Variants in ELL observed in about 807,000 individuals in gnomAD.
ELL encodes the protein elongation factor for RNA polymerase II, also known as RNA polymerase II elongation factor ELL.
A neutral mutation model predicts 64.0 loss-of-function variants in ELL; 18 were observed. The ratio of observed to expected loss-of-function variants is 0.28; its 90% CI spans 0.19 to 0.42. The LOEUF (loss-of-function observed/expected upper bound fraction) is 0.42, where lower values mean the gene tolerates loss of function less well. ELL is among the 10% of genes least tolerant of loss of function. The pLI, the probability that ELL is intolerant of heterozygous loss-of-function variation, is 1.00. For missense variants in ELL, 797 were observed against 870.4 expected, an observed-to-expected ratio of 0.92 and a Z score of 1.06; for synonymous variants, 399 against 376.2, an observed-to-expected ratio of 1.06 and a Z score of -0.70.
intron 9 of ELL, 83 bp downstream of exon 9, chr19:18,446,665 C>T (rs1387017999): frequency 5.8e-6 from 9 of 1,559,944 alleles, no homozygotes; most frequent in Non-Finnish European, 7.9e-6. Context: ...TGGCTTCTAC[C>T]TCTGATAACC....
intron 8 of ELL, 124 bp downstream of exon 8, chr19:18,450,353 T>TGG (rs1351896214): frequency 3.4e-6 from 5 of 1,453,562 alleles, no homozygotes; most frequent in Non-Finnish European, 4.6e-6. Context: ...TGATGGGGCC[T>TGG]GGGGCAACAG....
rs1170901649 is a variant in ELL, at chr19:18,502,432, A to G, written c.135+19489T>C. Among the ~76,000 whole-genome samples the G allele has an allele frequency of 2.6e-5, 4 of 152,196 alleles. No homozygotes were observed. The South Asian group carries it at 8.3e-4, about 31-fold the overall frequency. ...GTGGTGACTGTGCCTCGCAGTGGGC[A>G]GGGCTGCCAGAACCCAGCAGTGAGC... On this transcript the variant is annotated intron_variant, in intron 1 of 11. Coordinates refer to ENST00000262809, the MANE Select transcript of ELL (RefSeq NM_006532.4).
At chr19:18,508,021 T>A (rs1032670993) in intron 1 of ELL, among the ~76,000 whole-genome samples, 3 of 152,160 alleles carry the variant, frequency 2.0e-5, no homozygotes, top group Non-Finnish European at 4.4e-5. Flanking sequence ...AAAGGTCACA[T>A]ACAGGTCACA....
At chr19:18,458,917 GCTC>G (rs1454461694) in intron 5 of ELL, among the ~76,000 whole-genome samples, 1 of 151,476 alleles carries the variant, frequency 6.6e-6, no homozygotes, top group Non-Finnish European at 1.5e-5. Context: ...ACCACACCTG[GCTC>G]CTATTTCTTC....
At chr19:18,478,263 G>A (rs1264306762) in intron 1 of ELL, among the ~76,000 whole-genome samples, 2 of 152,192 alleles carry the variant, frequency 1.3e-5, no homozygotes, top group African/African-American at 4.8e-5. Context: ...GCAGGACAGA[G>A]GGTCAGGAAC....
chr19:18,479,229 C>T (rs999950711), intron 1 of ELL, among the ~76,000 whole-genome samples: 3 of 152,192 alleles, frequency 2.0e-5, no homozygotes, highest in Non-Finnish European at 4.4e-5. Flanking sequence ...CTGCTCAGCA[C>T]ACTGCAGGCA....
At chr19:18,490,056 T>G (rs889328812) in intron 1 of ELL, among the ~76,000 whole-genome samples, 1 of 152,194 alleles carries the variant, frequency 6.6e-6, no homozygotes, top group Non-Finnish European at 1.5e-5. Flanking sequence ...GACACAGCCT[T>G]GCTTACACGC....
chr19:18,461,044 A>G (rs1480334860), intron 5 of ELL, among the ~76,000 whole-genome samples: 2 of 152,056 alleles, frequency 1.3e-5, no homozygotes, highest in Non-Finnish European at 2.9e-5. Flanking sequence ...AGCAGGCTCC[A>G]CTCGCCAGCA....
intron 6 of ELL, among the ~76,000 whole-genome samples, chr19:18,457,388 TGCC>T (rs1377188816): frequency 3.3e-5 from 5 of 152,160 alleles, no homozygotes; most frequent in African/African-American, 4.8e-5. Flanking sequence ...TCCGCCAGCC[TGCC>T]GCCAAGCCAG....
At chr19:18,462,218 GTGTA>G (rs3078542) in intron 4 of ELL, among the ~76,000 whole-genome samples, 15,960 of 88,630 alleles carry the variant, frequency 0.18, 1,130 homozygotes, top group African/African-American at 0.25. Flanking sequence ...GTGTGTGTGT[GTGTA>G]TGTAATCACC....
intron 1 of ELL, among the ~76,000 whole-genome samples, chr19:18,494,992 T>C (rs930931202): frequency 5.3e-5 from 8 of 152,184 alleles, no homozygotes; most frequent in African/African-American, 1.9e-4. Context: ...GTCCAGGGCA[T>C]ATGGCTGGCG....
intron 1 of ELL, among the ~76,000 whole-genome samples, chr19:18,479,332 G>C (rs1975245108): frequency 6.6e-6 from 1 of 152,178 alleles, no homozygotes; most frequent in African/African-American, 2.4e-5. Context: ...AGAGCAGAAA[G>C]CAGAAAAATC....
intron 1 of ELL, among the ~76,000 whole-genome samples, chr19:18,480,233 A>G (rs1975270504): frequency 6.6e-6 from 1 of 152,234 alleles, no homozygotes; most frequent in African/African-American, 2.4e-5. Flanking sequence ...CCTTTCCAGT[A>G]AAGCACAAAT....
chr19:18,483,083 T>C (rs1975339256), intron 1 of ELL, among the ~76,000 whole-genome samples: 1 of 152,108 alleles, frequency 6.6e-6, no homozygotes, highest in Non-Finnish European at 1.5e-5. Flanking sequence ...ACTCCCATCT[T>C]TTTTTTAAAT....
chr19:18,518,754 G>A (rs1372523271), intron 1 of ELL, among the ~76,000 whole-genome samples: 10 of 151,440 alleles, frequency 6.6e-5, no homozygotes, highest in African/African-American at 2.4e-4. Flanking sequence ...TCACGCCAGC[G>A]CAATCCAGCT....
intron 10 of ELL, among the ~76,000 whole-genome samples, chr19:18,445,641 A>AGTC (rs1306759525): frequency 6.6e-6 from 1 of 152,084 alleles, no homozygotes; most frequent in Non-Finnish European, 1.5e-5. Context: ...CCCCATCATG[A>AGTC]GTCGTCGTCT....
Position 18,451,665 on chromosome 19 carries a change from G to A in ELL, c.870-17C>T, listed in dbSNP as rs1009253337. On this transcript the variant is annotated splice_polypyrimidine_tract_variant and intron_variant, in intron 6 of 11. Transcript: ENST00000262809. Reference sequence around the variant, plus strand: ...CACAGCTTCCTGCGAAGGAGAGGCAGGGCTAGGTCAGAAGGTGCTGAGGGG... The same window carrying A: ...CACAGCTTCCTGCGAAGGAGAGGCAAGGCTAGGTCAGAAGGTGCTGAGGGG... The A allele has an allele frequency of 1.5e-5, 23 of 1,486,584 alleles. No individual in the cohort carries two copies. The highest frequency in any genetic ancestry group is 2.6e-5 in the South Asian group (2 of 77,108). 92.1% of individuals were successfully genotyped at this position (1,486,584 alleles called of 1,614,324 possible).
intron 1 of ELL, among the ~76,000 whole-genome samples, chr19:18,489,097 G>C (rs1975476389): frequency 1.3e-5 from 2 of 152,166 alleles, no homozygotes; most frequent in Non-Finnish European, 1.5e-5. Flanking sequence ...AGAACGTTTT[G>C]TCACCTGCCT....
intron 2 of ELL, 122 bp downstream of exon 2, chr19:18,472,713 C>G (rs1975089722): frequency 4.0e-6 from 5 of 1,240,362 alleles, no homozygotes; most frequent in African/African-American, 1.5e-5. Flanking sequence ...CCCAGCCTTG[C>G]ATGGTGGCAG....
Sources: gnomAD v4.1 joint callset for allele counts (sites outside exome capture counted in the v4.1 genomes callset) on GRCh38, gnomAD v4.1.1 for gene constraint, MANE v1.5 for transcripts, NCBI Gene and HGNC (gene_info 2026-07-23, HGNC 2026-07-21) for gene names.